Variants in C6orf62 observed in about 807,000 individuals in gnomAD.
C6orf62 encodes the protein chromosome 6 open reading frame 62.
In C6orf62, 16 loss-of-function variants were observed where a neutral mutation model predicts 26.8. The observed-to-expected ratio is 0.60, with a 90% CI of 0.40 to 0.91. The LOEUF (loss-of-function observed/expected upper bound fraction) is 0.91. Ranked by LOEUF, C6orf62 falls within the 40% of genes least tolerant of loss-of-function variation. The pLI is 0.00. For synonymous variants in C6orf62, 112 were observed against 91.5 expected (o/e 1.22, Z -1.28); for missense variants, 192 against 271.4 (o/e 0.71, Z 2.06).
At chr6:24,716,400 TG>T (rs1264071645) in intron 1 of C6orf62, 76 bp from the exon 2 acceptor site, 1 of 1,045,618 alleles carries the variant, frequency 9.6e-7, no homozygotes, top group East Asian at 2.4e-5. Flanking sequence ...TACAATGTCA[TG>T]TAACATTAAC....
In C6orf62 at chr6:24,718,779, GA is replaced by G; in HGVS notation, c.-112del. The G allele has an allele frequency of 1.3e-6, 2 of 1,564,180 alleles. No individual in the cohort carries two copies. The highest frequency in any genetic ancestry group is 1.7e-6 in the Non-Finnish European group (2 of 1,165,232). On this transcript the variant is annotated 5_prime_UTR_variant, in exon 1 of 5. Transcript: ENST00000378119. ...AAGTCATTTTTTTTCCTGCTAATATGATTGATTAGCGAAAATCACGACTATA... is the reference window on the plus strand; with the variant it reads ...AAGTCATTTTTTTTCCTGCTAATATGTTGATTAGCGAAAATCACGACTATA...
chr6:24,715,399 C>T (rs1337017128), intron 2 of C6orf62, among the ~76,000 whole-genome samples: 1 of 152,126 alleles, frequency 6.6e-6, no homozygotes, highest in Non-Finnish European at 1.5e-5. Context: ...ATACAATAAA[C>T]GGAGACATAA....
At position 24,706,192 on chromosome 6, in the gene C6orf62, G is replaced by A; in HGVS notation, c.635C>T (p.Thr212Ile). 6.2e-7 allele frequency: 1 copy of A among 1,614,218 alleles called. No homozygotes were observed. Among genetic ancestry groups the A allele is most frequent in the Non-Finnish European group, 8.5e-7 (1 of 1,180,040 alleles). ...ICLYLPQEQL[T>I]HWAVGTIEDH... ...CTCTATGGTGCCAACTGCCCAGTGG[G>A]TGAGCTGTTCCTGTGGCAGGTAGAG... The change falls in exon 5 of 5, where the codon ACC (threonine) becomes ATC (isoleucine). Residue 212 changes from threonine to isoleucine, a missense_variant. Physicochemically the swap from Thr to Ile is moderately conservative, Grantham distance 89. Coordinates refer to ENST00000378119, the MANE Select transcript of C6orf62 (RefSeq NM_030939.5).
At chr6:24,712,123 A>AC (rs1779131114) in intron 3 of C6orf62, among the ~76,000 whole-genome samples, 1 of 152,136 alleles carries the variant, frequency 6.6e-6, no homozygotes, top group African/African-American at 2.4e-5. Flanking sequence ...GGTGGCTCAT[A>AC]CCCGTAATCC....
rs528397890 is a variant in C6orf62, at chr6:24,708,689, C to T, written c.564+88G>A. ...AAAATAATGCAGTGTTTGGGGGACA[C>T]AACAATTAAGTAACTTGTATATAAA... is the stretch of plus-strand genomic sequence containing the variant. On this transcript the variant is annotated intron_variant, in intron 4 of 4. Transcript: ENST00000378119. 431 of 1,533,370 alleles carry T rather than the reference C, an allele frequency of 2.8e-4. 1 individual carries two copies. Among genetic ancestry groups the T allele is most frequent in the Middle Eastern group, 5.1e-4 (3 of 5,878 alleles). The allele number at this position is 1,533,370 out of a possible 1,614,324, so 95.0% of individuals were successfully genotyped here. A position where few individuals can be genotyped will look rare whatever the true frequency, so the allele number is the denominator to read the frequency against.
intron 3 of C6orf62, among the ~76,000 whole-genome samples, chr6:24,714,054 C>G (rs1310268314): frequency 2.0e-5 from 3 of 152,148 alleles, no homozygotes; most frequent in Admixed American, 6.5e-5. Flanking sequence ...GTGGGCCCCT[C>G]TATAAATCAG....
chr6:24,718,923 GGAGGAAAGAAAGGAAA>G lies in C6orf62; in HGVS notation c.-271_-256del. 5 of 1,274,182 alleles carry G rather than the reference GGAGGAAAGAAAGGAAA, an allele frequency of 3.9e-6. No homozygotes were observed. Among genetic ancestry groups the G allele is most frequent in the Non-Finnish European group, 5.0e-6 (5 of 1,009,778 alleles). The allele number at this position is 1,274,182 out of a possible 1,614,324, so 78.9% of individuals were successfully genotyped here. ...ACGTTTGGGGTCAGACGGGAAAAAG[GGAGGAAAGAAAGGAAA>G]GAAAGAGGAGAAAATAACTAACTTT... On this transcript the variant is annotated 5_prime_UTR_variant, in exon 1 of 5. Transcript: ENST00000378119.
chr6:24,713,662 A>T (rs942332181), intron 3 of C6orf62, among the ~76,000 whole-genome samples: 2 of 152,214 alleles, frequency 1.3e-5, no homozygotes, highest in Non-Finnish European at 1.5e-5. Context: ...TATATATATT[A>T]AAAAAGGAAA....
At chr6:24,719,853 G>A (rs1170231432), upstream of C6orf62, 13 of 1,516,058 alleles carry the variant, frequency 8.6e-6, no homozygotes, top group Admixed American at 6.0e-5. Flanking sequence ...CAGCGGCAGC[G>A]ACTCACTCGC....
chr6:24,715,870 A>AAAAAG lies in C6orf62; in HGVS notation c.306+277_306+278insCTTTT, dbSNP rs146648741. ...TCTCAAAAAAAAAAAAAAAAAAAAA[A>AAAAAG]GTCCGAGATCATCAACACCTAACAC... On this transcript the variant is annotated intron_variant, in intron 2 of 4. Transcript: ENST00000378119. 1.3e-3 allele frequency among the ~76,000 whole-genome samples: 196 copies of AAAAAG among 146,272 alleles called. 1 individual carries two copies. Among genetic ancestry groups the AAAAAG allele is most frequent in the African/African-American group, 4.1e-3 (155 of 38,148 alleles).
intron 4 of C6orf62, 39 bp from the exon 5 acceptor site, chr6:24,706,301 G>T (rs769441740): frequency 2.5e-6 from 4 of 1,608,706 alleles, no homozygotes; most frequent in South Asian, 1.1e-5. Context: ...TTAAAAATAA[G>T]ACTTTAGCGT....
At chr6:24,709,419 A>G (rs1382617551) in intron 3 of C6orf62, 2 of 984,738 alleles carry the variant, frequency 2.0e-6, no homozygotes, top group East Asian at 2.3e-4. Flanking sequence ...TCTAAGAAAA[A>G]AAAAAAATAA....
chr6:24,710,292 T>G (rs1779094106), intron 3 of C6orf62: 21 of 954,214 alleles, frequency 2.2e-5, no homozygotes, highest in Non-Finnish European at 2.5e-5. Context: ...TGAGACGGAA[T>G]TTCGCTCTTG....
intron 3 of C6orf62, among the ~76,000 whole-genome samples, chr6:24,712,301 A>G (rs372086506): frequency 1.3e-5 from 2 of 152,120 alleles, no homozygotes; most frequent in African/African-American, 4.8e-5. Context: ...AGAACGGCTC[A>G]AACCTGGGAG....
At chr6:24,706,353 C>G in intron 4 of C6orf62, 91 bp from the exon 5 acceptor site, 1 of 1,519,484 alleles carries the variant, frequency 6.6e-7, no homozygotes, top group Non-Finnish European at 8.9e-7. Flanking sequence ...TATTAAACAT[C>G]TTAACATACA....
At chr6:24,719,694 T>C (rs1301687658), upstream of C6orf62, 2 of 1,482,946 alleles carry the variant, frequency 1.3e-6, no homozygotes, top group Non-Finnish European at 9.0e-7. Flanking sequence ...CCTGTGGATC[T>C]GCCCCCGTTC....
chr6:24,720,439 T>C (rs1202437033), upstream of C6orf62: 6 of 1,092,450 alleles, frequency 5.5e-6, no homozygotes, highest in African/African-American at 1.6e-5. Flanking sequence ...CTGGGACCCA[T>C]AGTCTGGCTC....
At chr6:24,719,725 T>G, upstream of C6orf62, 1 of 1,516,736 alleles carries the variant, frequency 6.6e-7, no homozygotes, top group East Asian at 2.5e-5. Context: ...GGAGTGCGAT[T>G]TATCTTCTTG....
Position 24,718,469 on chromosome 6 carries a change from TTAAGAG to T in C6orf62, c.129+65_129+70del, listed in dbSNP as rs1779282022. On this transcript the variant is annotated intron_variant, in intron 1 of 4. Coordinates refer to ENST00000378119, the MANE Select transcript of C6orf62 (RefSeq NM_030939.5). ...TCTTTAACCTAATATTCATAATAAT[TTAAGAG>T]TAACAAATAATATACACTTACAAAA... The T allele has an allele frequency of 5.0e-6, 7 of 1,407,838 alleles. No homozygotes were observed. The South Asian group carries it at 6.3e-5, about 13-fold the overall frequency. 87.2% of individuals were successfully genotyped at this position (1,407,838 alleles called of 1,614,324 possible). A position where few individuals can be genotyped will look rare whatever the true frequency, so the allele number is the denominator to read the frequency against.
Sources: allele counts gnomAD v4.1 joint callset (sites outside exome capture counted in the v4.1 genomes callset), GRCh38; gene constraint gnomAD v4.1.1; transcripts MANE v1.5; gene names NCBI Gene and HGNC (gene_info 2026-07-23, HGNC 2026-07-21).